The following LTF variants were observed in gnomAD, a reference collection of about 807,000 sequenced individuals.
LTF encodes epididymis luminal protein 110.
In LTF, 91 loss-of-function variants were observed where a neutral mutation model predicts 87.2. The ratio of observed to expected loss-of-function variants is 1.04; its 90% confidence interval spans 0.88 to 1.24. The LOEUF is 1.24. Among genes scored for constraint, LTF ranks in the 50% most tolerant of loss-of-function variants. LTF has a pLI of 0.00. For missense variants in LTF, 901 were observed against 904.3 expected (o/e 1.00, Z 0.05); for synonymous variants, 378 against 356.1 (o/e 1.06, Z -0.69).
At chr3:46,467,843 G>C (rs1159980597), upstream of LTF, among the ~76,000 whole-genome samples, 5 of 151,896 alleles carry the variant, frequency 3.3e-5, no homozygotes, top group East Asian at 9.7e-4. Flanking sequence ...TTGGAAGAAG[G>C]ATTAACAAAA....
At chr3:46,459,290 C>A (rs997714516) in intron 2 of LTF, among the ~76,000 whole-genome samples, 5 of 152,262 alleles carry the variant, frequency 3.3e-5, no homozygotes, top group African/African-American at 1.2e-4. Flanking sequence ...TTCTTTCTCA[C>A]AGGGTTTAGA....
At chr3:46,455,703 C>T in intron 4 of LTF, 93 bp downstream of exon 4, 2 of 1,418,326 alleles carry the variant, frequency 1.4e-6, no homozygotes, top group Non-Finnish European at 1.9e-6. Context: ...TGATTCATCC[C>T]ACACTTTCAC....
At position 46,446,538 on chromosome 3, in the gene LTF, T is replaced by C. The variant is rs374672449; in HGVS notation, c.1304-45A>G. 7 of 1,545,918 alleles carry C rather than the reference T, an allele frequency of 4.5e-6. No individual in the cohort carries two copies. The African/African-American group carries it at 6.8e-5, about 15-fold the overall frequency. ...CCAGACATCATTATCCATTCAGATG[T>C]AGTGAGAAGCCACAAACTCTTAAAT... On this transcript the variant is annotated intron_variant, in intron 10 of 16. Transcript: ENST00000231751.
intron 1 of LTF, among the ~76,000 whole-genome samples, chr3:46,463,022 C>A (rs1450369563): frequency 6.6e-6 from 1 of 152,152 alleles, no homozygotes; most frequent in Non-Finnish European, 1.5e-5. Flanking sequence ...GCCCCCCAAA[C>A]ACCAGGTGAA....
intron 1 of LTF, among the ~76,000 whole-genome samples, chr3:46,475,515 A>AACACAC (rs59984149): frequency 9.5e-4 from 125 of 131,072 alleles, no homozygotes; most frequent in Admixed American, 3.4e-3. Context: ...TCTCCCCCTA[A>AACACAC]ACACACACAC....
intron 16 of LTF, among the ~76,000 whole-genome samples, chr3:46,437,245 G>A (rs1230843853): frequency 1.3e-5 from 2 of 150,194 alleles, no homozygotes; most frequent in Non-Finnish European, 3.0e-5. Context: ...GTTAAGATGT[G>A]TTTTCCTACA....
intron 1 of LTF, chr3:46,463,637 A>T: frequency 3.0e-6 from 3 of 985,340 alleles, no homozygotes; most frequent in Non-Finnish European, 2.4e-6. Flanking sequence ...TGAATATAAA[A>T]CCCAGTGGTG....
chr3:46,474,090 G>T (rs889301982), intron 1 of LTF, among the ~76,000 whole-genome samples: 1 of 152,028 alleles, frequency 6.6e-6, no homozygotes, highest in Non-Finnish European at 1.5e-5. Flanking sequence ...AAAATAAAAT[G>T]GTAGGCTTAA....
rs773180908 is a variant in LTF, at chr3:46,456,409, A to G, written c.208-11T>C. On this transcript the variant is annotated splice_polypyrimidine_tract_variant and intron_variant, in intron 2 of 16. Coordinates refer to ENST00000231751, the MANE Select transcript of LTF (RefSeq NM_002343.6). ...ATCGGCCCTGTTTTCCTGAAAGTAA[A>G]GAGGCCAGACTGGCTTCAGCAGAAA... 9 of 1,610,888 alleles carry G rather than the reference A, an allele frequency of 5.6e-6. No individual in the cohort carries two copies. The highest frequency in any genetic ancestry group is 7.6e-6 in the Non-Finnish European group (9 of 1,177,128).
At chr3:46,449,046 G>A in intron 8 of LTF, 29 bp from the exon 9 acceptor site, 1 of 1,584,772 alleles carries the variant, frequency 6.3e-7, no homozygotes, top group African/African-American at 1.4e-5. Flanking sequence ...CAGGTGGCTG[G>A]GCAACCTGAG....
chr3:46,456,239 A>C (rs1702927962), intron 3 of LTF, 51 bp downstream of exon 3: 5 of 1,455,784 alleles, frequency 3.4e-6, no homozygotes, highest in Non-Finnish European at 3.9e-6. Flanking sequence ...CACACAGCTC[A>C]GGGCACAGGC....
chr3:46,441,596 A>C (rs1351302216), intron 13 of LTF, 113 bp from the exon 14 acceptor site: 3 of 758,760 alleles, frequency 4.0e-6, no homozygotes, highest in Non-Finnish European at 6.8e-6. Context: ...AACATCTAAA[A>C]GACAACTATT....
intron 1 of LTF, among the ~76,000 whole-genome samples, chr3:46,472,291 C>A (rs1703301004): frequency 6.6e-6 from 1 of 151,958 alleles, no homozygotes; most frequent in African/African-American, 2.4e-5. Flanking sequence ...ACAGAGAGTT[C>A]TCATCCAGAG....
rs1211891271 is a variant in LTF, at chr3:46,438,104, T to G, written c.1934A>C (p.Asp645Ala). ...GAATAAGCAAAACTTGTCCGGGCAG[T>G]CAGATCCATTTCTCCCAAATTTAGC... ...QQAKFGRNGS[D>A]CPDKFCLFQS... The change falls in exon 16 of 17, where the codon GAC (aspartate) becomes GCC (alanine). Residue 645 changes from aspartate to alanine, a missense_variant. Transcript: ENST00000231751. The G allele has an allele frequency of 3.1e-6, 5 of 1,613,594 alleles. No homozygotes were observed. In the East Asian group the frequency reaches 1.1e-4, roughly 36 times the overall value.
chr3:46,437,731 T>TA, intron 16 of LTF, among the ~76,000 whole-genome samples: 1 of 152,372 alleles, frequency 6.6e-6, no homozygotes. Context: ...CTATCCGTAC[T>TA]ATAAAATTTA....
chr3:46,468,747 G>A (rs930255947), upstream of LTF, among the ~76,000 whole-genome samples: 2 of 152,248 alleles, frequency 1.3e-5, no homozygotes, highest in African/African-American at 4.8e-5. Context: ...CTTGGCAGAT[G>A]GGAGACCTTG....
chr3:46,446,142 G>C (rs1162705572), intron 11 of LTF, among the ~76,000 whole-genome samples: 2 of 152,124 alleles, frequency 1.3e-5, no homozygotes, highest in Non-Finnish European at 2.9e-5. Flanking sequence ...GGGCACTTGG[G>C]GACTCTCGGT....
intron 1 of LTF, among the ~76,000 whole-genome samples, chr3:46,473,056 G>T (rs562050771): frequency 6.6e-6 from 1 of 151,912 alleles, no homozygotes; most frequent in African/African-American, 2.4e-5. Context: ...TGCCTCTTGC[G>T]CCTGCCTGTT....
rs1254052584 is a variant in LTF, at chr3:46,441,406, C to T, written c.1723+10G>A. ...TGCTTTGAAGGAGAAAAGGAAACAC[C>T]TTCACCTACCATCAGTGTTCTGCAA... On this transcript the variant is annotated intron_variant, in intron 14 of 16. Transcript: ENST00000231751. The T allele has an allele frequency of 2.5e-6, 4 of 1,608,846 alleles. No homozygotes were observed. The highest frequency in any genetic ancestry group is 2.2e-5 in the South Asian group (2 of 90,004).
Sources: gnomAD v4.1 joint callset for allele counts (sites outside exome capture counted in the v4.1 genomes callset) on GRCh38, gnomAD v4.1.1 for gene constraint, MANE v1.5 for transcripts, NCBI Gene and HGNC (gene_info 2026-07-23, HGNC 2026-07-21) for gene names.